EIF4G3: variants seen among roughly 807,000 people sequenced by gnomAD.
EIF4G3 encodes eukaryotic translation initiation factor 4 gamma 3.
Under a neutral mutation model 186.4 loss-of-function variants are expected in EIF4G3, and 34 were observed. The observed-to-expected ratio is 0.18, with a 90% CI of 0.14 to 0.24. The LOEUF (loss-of-function observed/expected upper bound fraction) is 0.24, where lower values mean the gene tolerates loss of function less well. Among genes scored for constraint, EIF4G3 ranks in the 10% least tolerant of loss-of-function variants. EIF4G3 has a pLI of 1.00. For missense variants in EIF4G3, 1,536 were observed against 1,948.5 expected, an observed-to-expected ratio of 0.79 and a Z score of 3.99; for synonymous variants, 673 against 679.5, an observed-to-expected ratio of 0.99 and a Z score of 0.15.
chr1:21,151,567 T>C (rs898852214), intron 2 of EIF4G3, among the ~76,000 whole-genome samples: 23 of 152,096 alleles, frequency 1.5e-4, no homozygotes, highest in African/African-American at 5.3e-4. Flanking sequence ...TCAATACCTA[T>C]ATAGTCTGTA....
At chr1:21,161,422 G>C (rs2097764458) in intron 2 of EIF4G3, 1 of 152,570 alleles carries the variant, frequency 6.6e-6, no homozygotes, top group Non-Finnish European at 1.5e-5. Context: ...AGAATCGCTT[G>C]AACCTGGGAG....
At chr1:20,909,807 G>T (rs1307486693) in intron 14 of EIF4G3, among the ~76,000 whole-genome samples, 2 of 129,200 alleles carry the variant, frequency 1.5e-5, no homozygotes, top group African/African-American at 3.0e-5. Flanking sequence ...TTGGAGACAT[G>T]GTCTTCCTTT....
chr1:21,110,847 G>A (rs186306480), intron 2 of EIF4G3, among the ~76,000 whole-genome samples: 4 of 152,312 alleles, frequency 2.6e-5, no homozygotes, highest in Non-Finnish European at 2.9e-5. Flanking sequence ...GATTATAGGC[G>A]TGAGCCACTG....
intron 10 of EIF4G3, among the ~76,000 whole-genome samples, chr1:20,976,439 T>C (rs1226314993): frequency 2.0e-5 from 3 of 151,582 alleles, no homozygotes; most frequent in Non-Finnish European, 4.4e-5. Context: ...GAAATGATAC[T>C]GGCAGTAAAC....
At chr1:20,855,208 C>CA in intron 25 of EIF4G3, 137 bp from the exon 26 acceptor site, 1 of 606,340 alleles carries the variant, frequency 1.6e-6, no homozygotes, top group Non-Finnish European at 2.8e-6. Context: ...TTAATAGAAA[C>CA]AGAAATTGGA....
chr1:20,866,243 C>T (rs1439148917), intron 20 of EIF4G3, among the ~76,000 whole-genome samples: 1 of 152,284 alleles, frequency 6.6e-6, no homozygotes, highest in Non-Finnish European at 1.5e-5. Flanking sequence ...TGCACTTGGT[C>T]AGCTGTTGAT....
chr1:21,047,671 G>C (rs544538022), intron 4 of EIF4G3, among the ~76,000 whole-genome samples: 2 of 151,966 alleles, frequency 1.3e-5, no homozygotes, highest in East Asian at 1.9e-4. Flanking sequence ...ATGTGTCCAC[G>C]CACATTGATA....
intron 3 of EIF4G3, among the ~76,000 whole-genome samples, chr1:21,078,984 CAAAT>C (rs899712965): frequency 1.9e-4 from 29 of 152,050 alleles, no homozygotes; most frequent in African/African-American, 4.1e-4. Context: ...GACTCCATCT[CAAAT>C]AAATAAATAA....
At chr1:21,050,241 T>C (rs2094133293) in intron 4 of EIF4G3, among the ~76,000 whole-genome samples, 1 of 152,206 alleles carries the variant, frequency 6.6e-6, no homozygotes, top group Non-Finnish European at 1.5e-5. Context: ...AGTAGGTCGG[T>C]GCAAGCTAAA....
At chr1:20,955,316 C>T (rs12117664) in intron 12 of EIF4G3, among the ~76,000 whole-genome samples, 3,980 of 152,068 alleles carry the variant, frequency 0.026, 75 homozygotes, top group Non-Finnish European at 0.034. Flanking sequence ...ACTGCAGCCT[C>T]GACCTCTTGA....
At position 20,818,797 on chromosome 1, in the gene EIF4G3, A is replaced by G. The variant is rs181326225; in HGVS notation, c.4369-1259T>C. Among the ~76,000 whole-genome samples the G allele has an allele frequency of 4.5e-4, 68 of 152,250 alleles. No homozygotes were observed. In the East Asian group the frequency reaches 6.2e-3, roughly 14 times the overall value. ...TTACTCACATAAGGTTTTCTCTAATACTCTTGAATACTCTGGTATGGTCCT... is the reference window on the plus strand; with the variant it reads ...TTACTCACATAAGGTTTTCTCTAATGCTCTTGAATACTCTGGTATGGTCCT... On this transcript the variant is annotated intron_variant, in intron 33 of 36. Coordinates refer to ENST00000602326, the MANE Select transcript of EIF4G3 (RefSeq NM_001391906.1).
At chr1:21,097,576 C>T (rs1264480625) in intron 2 of EIF4G3, among the ~76,000 whole-genome samples, 1 of 152,124 alleles carries the variant, frequency 6.6e-6, no homozygotes, top group African/African-American at 2.4e-5. Flanking sequence ...AAAATTAACA[C>T]TTGAAAACCA....
chr1:21,169,355 G>A (rs1056166874), intron 2 of EIF4G3, among the ~76,000 whole-genome samples: 7 of 152,034 alleles, frequency 4.6e-5, no homozygotes, highest in African/African-American at 1.7e-4. Context: ...GGAGGCTGAG[G>A]CAGAATTGTT....
At chr1:21,061,355 G>A (rs889397910) in intron 3 of EIF4G3, among the ~76,000 whole-genome samples, 3 of 152,156 alleles carry the variant, frequency 2.0e-5, no homozygotes, top group Admixed American at 6.5e-5. Context: ...GGATCGGGAT[G>A]TTCAACCTGT....
At chr1:20,885,370 G>A (rs1015128409) in intron 19 of EIF4G3, among the ~76,000 whole-genome samples, 4 of 152,192 alleles carry the variant, frequency 2.6e-5, no homozygotes, top group African/African-American at 7.2e-5. Flanking sequence ...CTCAATGTTT[G>A]TAACTTCATT....
chr1:21,026,020 T>C (rs2092031992), intron 4 of EIF4G3, among the ~76,000 whole-genome samples: 1 of 152,194 alleles, frequency 6.6e-6, no homozygotes. Context: ...AAAATCCCAA[T>C]GGTGTGTTCT....
intron 20 of EIF4G3, among the ~76,000 whole-genome samples, chr1:20,872,222 A>C (rs2079402525): frequency 1.3e-5 from 2 of 152,076 alleles, no homozygotes; most frequent in South Asian, 4.2e-4. Flanking sequence ...TCCTGGGCTC[A>C]AGTGATCCTC....
At chr1:21,156,672 T>G (rs2097666603) in intron 2 of EIF4G3, among the ~76,000 whole-genome samples, 1 of 152,210 alleles carries the variant, frequency 6.6e-6, no homozygotes, top group African/African-American at 2.4e-5. Flanking sequence ...AAATCAAAGA[T>G]AGTCAAATCC....
intron 33 of EIF4G3, among the ~76,000 whole-genome samples, chr1:20,824,291 T>C (rs920590216): frequency 1.3e-5 from 2 of 152,250 alleles, no homozygotes; most frequent in African/African-American, 4.8e-5. Flanking sequence ...CTAATGTCTG[T>C]AGCAACCTAA....
Sources: allele counts gnomAD v4.1 joint callset (sites outside exome capture counted in the v4.1 genomes callset), GRCh38; gene constraint gnomAD v4.1.1; transcripts MANE v1.5; gene names NCBI Gene and HGNC (gene_info 2026-07-23, HGNC 2026-07-21).